EML6: variants seen among roughly 807,000 people sequenced by gnomAD.
EML6 encodes the protein echinoderm microtubule-associated protein-like 6.
A neutral mutation model predicts 240.1 loss-of-function variants in EML6; 154 were observed. The observed-to-expected ratio is 0.64, with a 90% CI of 0.56 to 0.73. The LOEUF (loss-of-function observed/expected upper bound fraction) is 0.73. Ranked by LOEUF, EML6 falls within the 30% of genes least tolerant of loss-of-function variation. EML6 has a pLI of 0.00. For missense variants in EML6, 2,964 were observed against 2,474.6 expected (o/e 1.20, Z -4.20); for synonymous variants, 1,148 against 899.0 (o/e 1.28, Z -4.95).
intron 2 of EML6, among the ~76,000 whole-genome samples, chr2:54,797,986 T>A (rs1669912538): frequency 6.6e-6 from 1 of 152,164 alleles, no homozygotes; most frequent in African/African-American, 2.4e-5. Context: ...CTAGGACCCT[T>A]GTACTTCAAT....
At chr2:54,953,069 G>A (rs1029377445) in intron 31 of EML6, among the ~76,000 whole-genome samples, 24 of 152,176 alleles carry the variant, frequency 1.6e-4, no homozygotes, top group African/African-American at 5.1e-4. Context: ...GGAAACTGCC[G>A]GTGACAAATG....
At chr2:54,930,356 A>T (rs1674786950) in intron 28 of EML6, among the ~76,000 whole-genome samples, 1 of 152,190 alleles carries the variant, frequency 6.6e-6, no homozygotes, top group South Asian at 2.1e-4. Flanking sequence ...ATCTGTCAAC[A>T]TTTCGTACTG....
chr2:54,954,691 G>C (rs770660041), intron 32 of EML6, among the ~76,000 whole-genome samples: 13 of 151,866 alleles, frequency 8.6e-5, no homozygotes, highest in African/African-American at 1.2e-4. Flanking sequence ...TTTCTTTCTA[G>C]TCCTCCCCCA....
At chr2:54,807,157 G>A (rs1322684363) in intron 2 of EML6, among the ~76,000 whole-genome samples, 1 of 151,714 alleles carries the variant, frequency 6.6e-6, no homozygotes, top group Non-Finnish European at 1.5e-5. Context: ...TCAGTCTATG[G>A]TTGCAGTTTA....
chr2:54,941,079 G>A (rs755164820), intron 28 of EML6, among the ~76,000 whole-genome samples: 1 of 152,122 alleles, frequency 6.6e-6, no homozygotes, highest in Admixed American at 6.6e-5. Context: ...TGCTGTGCTT[G>A]GAAACAGAAA....
chr2:54,834,208 T>A (rs978333081), intron 7 of EML6, among the ~76,000 whole-genome samples: 4 of 152,154 alleles, frequency 2.6e-5, no homozygotes, highest in Non-Finnish European at 4.4e-5. Flanking sequence ...CCCAGGGTCA[T>A]TAGCATCAAG....
chr2:54,787,230 C>T (rs1158715981), intron 2 of EML6, among the ~76,000 whole-genome samples: 2 of 151,978 alleles, frequency 1.3e-5, no homozygotes, highest in East Asian at 3.9e-4. Context: ...CCATCAATAT[C>T]GTTTCATAGA....
chr2:54,851,063 C>A (rs543372228), intron 10 of EML6, among the ~76,000 whole-genome samples: 4 of 152,236 alleles, frequency 2.6e-5, no homozygotes, highest in African/African-American at 9.6e-5. Context: ...GGGAATGATA[C>A]CTCATTCAGG....
intron 2 of EML6, among the ~76,000 whole-genome samples, chr2:54,763,538 A>G (rs1668062117): frequency 6.6e-6 from 1 of 152,306 alleles, no homozygotes; most frequent in African/African-American, 2.4e-5. Context: ...ATCTGCTTTT[A>G]AAGAATATTG....
chr2:54,885,841 G>A (rs536925604), intron 17 of EML6, among the ~76,000 whole-genome samples: 1 of 152,052 alleles, frequency 6.6e-6, no homozygotes, highest in Non-Finnish European at 1.5e-5. Context: ...TCGATCTCCT[G>A]ACCTCGTGAT....
At chr2:54,935,825 T>C (rs141302572) in intron 28 of EML6, among the ~76,000 whole-genome samples, 1 of 152,160 alleles carries the variant, frequency 6.6e-6, no homozygotes, top group Non-Finnish European at 1.5e-5. Flanking sequence ...GGCAGGAGTT[T>C]AGATGAGCCT....
At chr2:54,822,419 C>T (rs1380516835) in intron 5 of EML6, among the ~76,000 whole-genome samples, 3 of 152,148 alleles carry the variant, frequency 2.0e-5, no homozygotes, top group East Asian at 1.9e-4. Flanking sequence ...AAGTATGAAC[C>T]AAGAGCTGAC....
At position 54,725,015 on chromosome 2, in the gene EML6, C is replaced by T; in HGVS notation, c.-47C>T. The T allele has an allele frequency of 1.4e-6, 2 of 1,425,314 alleles. No individual in the cohort carries two copies. Among genetic ancestry groups the T allele is most frequent in the Non-Finnish European group, 1.8e-6 (2 of 1,089,420 alleles). The allele number at this position is 1,425,314 out of a possible 1,614,324, so 88.3% of individuals were successfully genotyped here. On this transcript the variant is annotated 5_prime_UTR_variant, in exon 2 of 42. The change creates a new upstream start codon in the 5' untranslated region. Transcript: ENST00000356458. The surrounding 1 kb of genome is among the most constrained non-coding windows in gnomAD (Gnocchi z 4.3). ...GCCGCAGCCCCAGCCTCGGCGAGGA[C>T]GGCCCCGGCGCGCGGGGGGGCGGGG... is the stretch of plus-strand genomic sequence containing the variant.
chr2:54,822,817 A>G (rs571503248), intron 5 of EML6, among the ~76,000 whole-genome samples: 5 of 152,212 alleles, frequency 3.3e-5, no homozygotes, highest in Admixed American at 6.5e-5. Flanking sequence ...TTACAACAAT[A>G]TATATTCCAA....
Position 54,837,259 on chromosome 2 carries a change from G to T in EML6, c.848-6788G>T, listed in dbSNP as rs188244682. 1.3e-3 allele frequency among the ~76,000 whole-genome samples: 204 copies of T among 152,272 alleles called. 1 individual carries two copies. The highest frequency in any genetic ancestry group is 3.4e-3 in the Middle Eastern group (1 of 294). ...ATACAGGAAATAACTTTGTGGGGAAGGGTATTAACTCCACACTTGAACTGC... is the reference window on the plus strand; with the variant it reads ...ATACAGGAAATAACTTTGTGGGGAATGGTATTAACTCCACACTTGAACTGC... On this transcript the variant is annotated intron_variant, in intron 7 of 41. Transcript: ENST00000356458.
At chr2:54,829,028 A>T (rs1424333978) in intron 6 of EML6, among the ~76,000 whole-genome samples, 1 of 152,214 alleles carries the variant, frequency 6.6e-6, no homozygotes, top group Non-Finnish European at 1.5e-5. Flanking sequence ...TCTAAGGGCC[A>T]CTTATCACAT....
intron 21 of EML6, among the ~76,000 whole-genome samples, chr2:54,896,189 T>C (rs759381757): frequency 4.6e-5 from 7 of 152,174 alleles, no homozygotes; most frequent in Non-Finnish European, 8.8e-5. Context: ...CTGCTCAAAG[T>C]CCAGAATCTC....
At chr2:54,776,700 A>G in intron 2 of EML6, among the ~76,000 whole-genome samples, 1 of 152,128 alleles carries the variant, frequency 6.6e-6, no homozygotes, top group East Asian at 1.9e-4. Flanking sequence ...ATCTACTAGA[A>G]AAAAGAATGT....
intron 2 of EML6, among the ~76,000 whole-genome samples, chr2:54,750,384 G>C (rs1407853944): frequency 3.3e-5 from 5 of 152,196 alleles, no homozygotes; most frequent in African/African-American, 1.2e-4. Flanking sequence ...GAGCTGGTGT[G>C]AGCAGTTAGC....
Sources: gnomAD v4.1 joint callset for allele counts (sites outside exome capture counted in the v4.1 genomes callset) on GRCh38, gnomAD v4.1.1 for gene constraint, Gnocchi (gnomAD v3.1) non-coding constraint, MANE v1.5 for transcripts, NCBI Gene and HGNC (gene_info 2026-07-23, HGNC 2026-07-21) for gene names.